The following MYBL1 variants were observed in gnomAD, a reference collection of about 807,000 sequenced individuals.
The protein encoded by MYBL1 is myb-related protein A.
Under a neutral mutation model 96.3 loss-of-function variants are expected in MYBL1, and 17 were observed. The observed-to-expected ratio is 0.18, with a 90% CI of 0.12 to 0.26. The LOEUF (loss-of-function observed/expected upper bound fraction) is 0.26. Among genes scored for constraint, MYBL1 ranks in the 10% least tolerant of loss-of-function variants. MYBL1 has a pLI of 1.00. For synonymous variants in MYBL1, 282 were observed against 292.7 expected (o/e 0.96, Z 0.37); for missense variants, 701 against 882.9 (o/e 0.79, Z 2.61).
At chr8:66,568,743 C>G (rs188342745) in intron 12 of MYBL1, among the ~76,000 whole-genome samples, 27 of 151,994 alleles carry the variant, frequency 1.8e-4, no homozygotes, top group African/African-American at 6.5e-4. Flanking sequence ...ATTTCATCAC[C>G]CAGCCGGGCG....
rs1290481553 is a variant in MYBL1, at chr8:66,613,096, G to A, written c.-258C>T. The A allele has an allele frequency of 1.5e-5, 6 of 405,576 alleles. No homozygotes were observed. 25.1% of individuals were successfully genotyped at this position (405,576 alleles called of 1,614,324 possible). On this transcript the variant is annotated 5_prime_UTR_variant, in exon 1 of 16. Transcript: ENST00000522677. The stretch of plus-strand genomic sequence containing the variant: ...GCCAGGGATACCCCCAACATGTCAG[G>A]AGGCGCGATCCCGCCCTCCGCCGGC...
At chr8:66,608,209 ATACTT>A (rs1178937960) in intron 1 of MYBL1, among the ~76,000 whole-genome samples, 4 of 152,132 alleles carry the variant, frequency 2.6e-5, no homozygotes, top group Non-Finnish European at 5.9e-5. Flanking sequence ...TTTTACCCAC[ATACTT>A]TATTGTGAGA....
chr8:66,611,808 C>T (rs1810540820), intron 1 of MYBL1, among the ~76,000 whole-genome samples: 1 of 152,198 alleles, frequency 6.6e-6, no homozygotes, highest in South Asian at 2.1e-4. Context: ...TAGCAGAACT[C>T]TGCAATGAAT....
At chr8:66,567,061 A>C in intron 12 of MYBL1, 69 bp from the exon 13 acceptor site, 1 of 996,320 alleles carries the variant, frequency 1.0e-6, no homozygotes, top group Non-Finnish European at 1.5e-6. Flanking sequence ...ATATATAGGA[A>C]ACCCATCTTT....
At chr8:66,593,280 A>C (rs1809723508) in intron 6 of MYBL1, 86 bp from the exon 7 acceptor site, 1 of 799,572 alleles carries the variant, frequency 1.3e-6, no homozygotes, top group Non-Finnish European at 2.0e-6. Flanking sequence ...CTTTTGACAC[A>C]GTATCAATAT....
Position 66,566,100 on chromosome 8 carries a change from G to A in MYBL1, c.2094C>T (p.Asn698=). The part of the protein sequence containing the change: ...YTLTKKKPNP[N]TSKVVKLEKN... ...TTTCCAATTTGACAACTTTGGAAGT[G>A]TTAGGGTTTGGTTTCTTTTTAGTAA... Residue 698 remains asparagine (N), a synonymous_variant, in exon 15 of 16, where the codon AAC becomes AAT. Coordinates refer to ENST00000522677, the MANE Select transcript of MYBL1 (RefSeq NM_001080416.4). 6.5e-7 allele frequency: 1 copy of A among 1,540,860 alleles called. No homozygotes were observed. The highest frequency in any genetic ancestry group is 8.8e-7 in the Non-Finnish European group (1 of 1,140,476).
At chr8:66,605,321 T>A (rs1191212674) in intron 1 of MYBL1, among the ~76,000 whole-genome samples, 1 of 152,118 alleles carries the variant, frequency 6.6e-6, no homozygotes, top group Non-Finnish European at 1.5e-5. Flanking sequence ...CAAATGAGCA[T>A]GTGGACCTGC....
chr8:66,608,650 T>A (rs1180363618), intron 1 of MYBL1, among the ~76,000 whole-genome samples: 1 of 152,138 alleles, frequency 6.6e-6, no homozygotes, highest in East Asian at 1.9e-4. Context: ...GTCCCATCAC[T>A]GAAAAATGGT....
intron 1 of MYBL1, among the ~76,000 whole-genome samples, chr8:66,602,733 A>ATAT (rs1563551302): frequency 1.1e-4 from 3 of 28,158 alleles, no homozygotes; most frequent in East Asian, 1.3e-3. Context: ...ATATATATAT[A>ATAT]TTTTTTTTTT....
chr8:66,584,193 A>G (rs1017191482), intron 8 of MYBL1, among the ~76,000 whole-genome samples: 3 of 152,240 alleles, frequency 2.0e-5, no homozygotes, highest in African/African-American at 7.2e-5. Flanking sequence ...TTCACGATAA[A>G]AACTCTCAAC....
chr8:66,613,045 G>T lies in MYBL1; in HGVS notation c.-207C>A, dbSNP rs376661600. The T allele has an allele frequency of 4.3e-6, 2 of 464,290 alleles. No homozygotes were observed. Among genetic ancestry groups the T allele is most frequent in the Admixed American group, 4.4e-5 (1 of 22,792 alleles). 28.8% of individuals were successfully genotyped at this position (464,290 alleles called of 1,614,324 possible). A position where few individuals can be genotyped will look rare whatever the true frequency, so the allele number is the denominator to read the frequency against. On this transcript the variant is annotated 5_prime_UTR_variant, in exon 1 of 16. Coordinates refer to ENST00000522677, the MANE Select transcript of MYBL1 (RefSeq NM_001080416.4). ...CCCGACCCCGACCCCGGCCCGCAGCGCCGCTCTTAGCCCCGGCCCGGCCCG... is the reference window on the plus strand; with the variant it reads ...CCCGACCCCGACCCCGGCCCGCAGCTCCGCTCTTAGCCCCGGCCCGGCCCG...
At chr8:66,589,891 G>A (rs1037249583) in intron 8 of MYBL1, among the ~76,000 whole-genome samples, 1 of 152,082 alleles carries the variant, frequency 6.6e-6, no homozygotes, top group East Asian at 1.9e-4. Flanking sequence ...GCAACATAGG[G>A]AAATCTCGTC....
intron 8 of MYBL1, among the ~76,000 whole-genome samples, chr8:66,592,109 A>T (rs1458342526): frequency 6.6e-6 from 1 of 151,240 alleles, no homozygotes; most frequent in Non-Finnish European, 1.5e-5. Context: ...CTACAAAAAT[A>T]AAAAAAAATT....
intron 8 of MYBL1, 121 bp downstream of exon 8, chr8:66,592,319 A>G (rs1347864357): frequency 1.4e-6 from 1 of 691,164 alleles, no homozygotes; most frequent in Non-Finnish European, 2.3e-6. Context: ...AAAAAAAACA[A>G]AACTATTTTT....
rs970385111 is a variant in MYBL1 at position 66,602,487 on chromosome 8, A to G, written c.57T>C (p.His19=). 1.9e-6 allele frequency: 3 copies of G among 1,609,092 alleles called. No individual in the cohort carries two copies. The highest frequency in any genetic ancestry group is 2.7e-5 in the African/African-American group (2 of 74,624). ...DEDDDLQYAD[H]DYEVPQQKGL... is the part of the protein sequence containing the mutation. ...CTTTTTGTTGTGGTACTTCATAATC[A>G]TGATCGGCATACTGAAGGTCATCAT... The change falls in exon 2 of 16, where the codon CAT becomes CAC. Residue 19 remains histidine, a synonymous_variant. Coordinates refer to ENST00000522677, the MANE Select transcript of MYBL1 (RefSeq NM_001080416.4).
At position 66,610,408 on chromosome 8, in the gene MYBL1, GT is replaced by G. The variant is rs953484353; in HGVS notation, c.20+2410del. On this transcript the variant is annotated intron_variant, in intron 1 of 15. Transcript: ENST00000522677. ...GTTTTCTACTCTTAGGTTTTTTTGG[GT>G]TTTTTTTTTTCAGTTCACATAGGAA... is the stretch of plus-strand genomic sequence containing the variant. Among the ~76,000 whole-genome samples the G allele has an allele frequency of 2.7e-4, 39 of 143,176 alleles. No homozygotes were observed. In the Middle Eastern group the frequency reaches 0.011, roughly 39 times the overall value. The allele number at this position is 143,176 out of a possible 152,430, so 93.9% of individuals were successfully genotyped here.
chr8:66,573,266 G>A, intron 11 of MYBL1, 98 bp downstream of exon 11: 1 of 1,173,382 alleles, frequency 8.5e-7, no homozygotes, highest in Non-Finnish European at 1.1e-6. Flanking sequence ...TGTAGGAATA[G>A]GAATTATGAT....
chr8:66,603,089 T>C (rs1810171784), intron 1 of MYBL1, among the ~76,000 whole-genome samples: 1 of 152,008 alleles, frequency 6.6e-6, no homozygotes, highest in Non-Finnish European at 1.5e-5. Flanking sequence ...AGGTTGGATA[T>C]GCCACTACGG....
chr8:66,610,599 T>C (rs1810490059), intron 1 of MYBL1, among the ~76,000 whole-genome samples: 1 of 152,102 alleles, frequency 6.6e-6, no homozygotes, highest in Non-Finnish European at 1.5e-5. Context: ...TGAGTTCAAA[T>C]ATATTAAGAT....
Sources: allele counts gnomAD v4.1 joint callset (sites outside exome capture counted in the v4.1 genomes callset), GRCh38; gene constraint gnomAD v4.1.1; transcripts MANE v1.5; gene names NCBI Gene and HGNC (gene_info 2026-07-23, HGNC 2026-07-21).